The following BAZ1A variants were observed in gnomAD, a reference collection of about 807,000 sequenced individuals.
BAZ1A encodes the protein bromodomain adjacent to zinc finger domain 1A.
BAZ1A carries 50 observed loss-of-function variants against 185.2 expected under a neutral mutation model. That is an observed-to-expected ratio of 0.27 (90% CI 0.22 to 0.34). BAZ1A has a LOEUF of 0.34. Ranked by LOEUF, BAZ1A falls within the 10% of genes least tolerant of loss-of-function variation. The probability of loss-of-function intolerance (pLI) is 1.00; values close to 1 mark genes in which losing one functional copy is unlikely to be tolerated. For missense variants in BAZ1A, 1,356 were observed against 1,839.9 expected (o/e 0.74, Z 4.81); for synonymous variants, 571 against 615.6 (o/e 0.93, Z 1.07).
intron 3 of BAZ1A, among the ~76,000 whole-genome samples, chr14:34,843,051 T>C (rs771074369): frequency 7.3e-5 from 11 of 151,002 alleles, no homozygotes; most frequent in African/African-American, 1.2e-4. Context: ...CTTGTATTCA[T>C]CTCCCTAAAA....
intron 11 of BAZ1A, 22 bp downstream of exon 11, chr14:34,794,727 A>G: frequency 6.3e-7 from 1 of 1,599,634 alleles, no homozygotes; most frequent in Non-Finnish European, 8.5e-7. Flanking sequence ...ATAATGTAGC[A>G]ATAGATAACT....
In BAZ1A at chr14:34,871,013, G is replaced by C. The variant is rs140321501; in HGVS notation, c.113+3479C>G. Among the ~76,000 whole-genome samples the C allele has an allele frequency of 1.5e-3, 225 of 152,222 alleles. 2 individuals carry two copies. Among genetic ancestry groups the C allele is most frequent in the African/African-American group, 4.9e-3 (205 of 41,542 alleles). ...AGAGAGTTATACATTTTATATTGAA[G>C]GCTGAACTCACTCAAAGATGGGAAA... On this transcript the variant is annotated intron_variant, in intron 2 of 26. Transcript: ENST00000360310.
intron 24 of BAZ1A, among the ~76,000 whole-genome samples, chr14:34,760,510 C>T (rs995926258): frequency 2.0e-4 from 22 of 112,352 alleles, no homozygotes; most frequent in African/African-American, 6.7e-4. Flanking sequence ...TTTTGAGAAA[C>T]AGTGGCATTT....
chr14:34,810,967 A>G lies in BAZ1A; in HGVS notation c.606T>C (p.His202=), dbSNP rs769912142. 5 of 1,609,748 alleles carry G rather than the reference A, an allele frequency of 3.1e-6. No individual in the cohort carries two copies. The African/African-American group carries it at 4.0e-5, about 13-fold the overall frequency. ...GTGTTGCTTTAACAATAGCAGACTC[A>G]TGTAATTCTTTTTTAGTGGGTTGCA... is the stretch of plus-strand genomic sequence containing the variant. ...YKVQPTKKEL[H]ESAIVKATQI... The change falls in exon 5 of 27, where the codon CAT becomes CAC. Residue 202 remains histidine, a synonymous_variant. Coordinates refer to ENST00000360310, the MANE Select transcript of BAZ1A (RefSeq NM_013448.3).
At chr14:34,824,245 G>A (rs951557820) in intron 4 of BAZ1A, among the ~76,000 whole-genome samples, 1 of 140,944 alleles carries the variant, frequency 7.1e-6, no homozygotes, top group Non-Finnish European at 1.5e-5. Context: ...ATGGTAGCAC[G>A]CACCTGTAGT....
At chr14:34,873,589 G>C (rs375419272) in intron 2 of BAZ1A, among the ~76,000 whole-genome samples, 22 of 152,222 alleles carry the variant, frequency 1.4e-4, no homozygotes, top group African/African-American at 5.1e-4. Context: ...GCGGCGCCTG[G>C]CTGAGTCTGG....
At chr14:34,854,950 G>A (rs899792222) in intron 3 of BAZ1A, among the ~76,000 whole-genome samples, 5 of 151,916 alleles carry the variant, frequency 3.3e-5, no homozygotes, top group African/African-American at 4.8e-5. Context: ...TTGGTGGTGC[G>A]GGCCTGTAAT....
chr14:34,832,185 TACATATACACACACAC>T (rs1245017931), intron 3 of BAZ1A, among the ~76,000 whole-genome samples: 2 of 86,166 alleles, frequency 2.3e-5, no homozygotes, highest in South Asian at 5.1e-4. Context: ...TATACATATA[TACATATACACACACAC>T]ACACACACAC....
chr14:34,803,476 T>C (rs1468165156), intron 6 of BAZ1A, among the ~76,000 whole-genome samples: 2 of 152,086 alleles, frequency 1.3e-5, no homozygotes, highest in African/African-American at 4.8e-5. Flanking sequence ...CAATCCTTTT[T>C]CCACTATATA....
At chr14:34,786,282 G>A in intron 12 of BAZ1A, 61 bp from the exon 13 acceptor site, 1 of 1,449,496 alleles carries the variant, frequency 6.9e-7, no homozygotes, top group Non-Finnish European at 9.4e-7. Context: ...TGGGAATAAT[G>A]CCCGTTTTAA....
chr14:34,819,741 G>T (rs2042058966), intron 4 of BAZ1A, among the ~76,000 whole-genome samples: 1 of 152,166 alleles, frequency 6.6e-6, no homozygotes, highest in Admixed American at 6.5e-5. Context: ...ACATCCATGT[G>T]CAGGTTTTTG....
intron 2 of BAZ1A, among the ~76,000 whole-genome samples, chr14:34,863,697 C>A (rs1302554038): frequency 6.6e-6 from 1 of 152,066 alleles, no homozygotes; most frequent in Non-Finnish European, 1.5e-5. Flanking sequence ...AATGAATACA[C>A]AATCCCATGT....
At chr14:34,765,978 C>T (rs1387411946) in intron 21 of BAZ1A, among the ~76,000 whole-genome samples, 1 of 152,172 alleles carries the variant, frequency 6.6e-6, no homozygotes, top group Non-Finnish European at 1.5e-5. Flanking sequence ...CATACATAAT[C>T]TGGTTCTATA....
At chr14:34,870,314 C>A (rs2042930678) in intron 2 of BAZ1A, among the ~76,000 whole-genome samples, 1 of 152,186 alleles carries the variant, frequency 6.6e-6, no homozygotes, top group African/African-American at 2.4e-5. Flanking sequence ...AGTATCAGGA[C>A]AATACGGCAG....
At position 34,764,834 on chromosome 14, in the gene BAZ1A, C is replaced by G; in HGVS notation, c.3649G>C (p.Asp1217His). 6.2e-7 allele frequency: 1 copy of G among 1,614,124 alleles called. No homozygotes were observed. Among genetic ancestry groups the G allele is most frequent in the Non-Finnish European group, 8.5e-7 (1 of 1,179,988 alleles). ...RQRPSLESDE[D>H]VEDSMGGEDD... ...TCACCTCCCATACTGTCTTCCACAT[C>G]TTCATCACTTTCCAAGGATGGTCTC... Residue 1217 changes from aspartate to histidine, a missense_variant, in exon 23 of 27, where the codon GAT becomes CAT. Asp to His is a moderately conservative substitution (Grantham distance 81). This residue lies in a region of BAZ1A where 309 missense variants were observed against 355.3 expected (regional missense o/e 0.87). Coordinates refer to ENST00000360310, the MANE Select transcript of BAZ1A (RefSeq NM_013448.3).
intron 2 of BAZ1A, among the ~76,000 whole-genome samples, chr14:34,872,913 T>TAAAAAAAAAAAAAAAAAAAAAAAAA (rs35955993): frequency 1.3e-5 from 1 of 76,188 alleles, no homozygotes; most frequent in African/African-American, 6.9e-5. Flanking sequence ...TTTAAAATCC[T>TAAAAAAAAAAAAAAAAAAAAAAAAA]AAAAAAAAAA....
At chr14:34,839,495 C>A (rs908806428) in intron 3 of BAZ1A, among the ~76,000 whole-genome samples, 5 of 140,958 alleles carry the variant, frequency 3.5e-5, no homozygotes, top group African/African-American at 1.3e-4. Context: ...GCTGAGATCA[C>A]ATCACTACAC....
At chr14:34,844,705 G>C (rs1243455865) in intron 3 of BAZ1A, among the ~76,000 whole-genome samples, 1 of 151,294 alleles carries the variant, frequency 6.6e-6, no homozygotes, top group African/African-American at 2.4e-5. Flanking sequence ...GAAGTTCGAG[G>C]TTACAGAGAG....
chr14:34,795,480 C>T (rs1293668758), intron 10 of BAZ1A, among the ~76,000 whole-genome samples, 190 bp downstream of exon 10: 1 of 152,084 alleles, frequency 6.6e-6, no homozygotes, highest in East Asian at 1.9e-4. Context: ...GAATCATTAT[C>T]AAAGCTGATT....
Sources: gnomAD v4.1 joint callset for allele counts (sites outside exome capture counted in the v4.1 genomes callset) on GRCh38, gnomAD v4.1.1 for gene constraint, gnomAD v4.1.1 regional missense constraint, MANE v1.5 for transcripts, NCBI Gene and HGNC (gene_info 2026-07-23, HGNC 2026-07-21) for gene names.